The following ANK1 variants were observed in gnomAD, a reference collection of about 807,000 sequenced individuals.
ANK1 encodes ankyrin-1.
In ANK1, 51 loss-of-function variants were observed where a neutral mutation model predicts 210.4. The ratio of observed to expected loss-of-function variants is 0.24; its 90% confidence interval spans 0.19 to 0.31. The LOEUF (loss-of-function observed/expected upper bound fraction) is 0.31. Ranked by LOEUF, ANK1 falls within the 10% of genes least tolerant of loss-of-function variation. ANK1 has a pLI of 1.00. For missense variants in ANK1, 2,051 were observed against 2,504.4 expected (o/e 0.82, Z 3.86); for synonymous variants, 967 against 1,025.9 (o/e 0.94, Z 1.10).
In ANK1 at chr8:41,668,696, C is replaced by T. The variant is rs140250646; in HGVS notation, c.5097-132G>A. The T allele has an allele frequency of 2.4e-3, 2,445 of 1,035,076 alleles. 6 individuals are homozygous for T. Among genetic ancestry groups the T allele is most frequent in the Admixed American group, 3.2e-3 (122 of 38,038 alleles). 64.1% of individuals were successfully genotyped at this position (1,035,076 alleles called of 1,614,324 possible). A position where few individuals can be genotyped will look rare whatever the true frequency, so the allele number is the denominator to read the frequency against. ...GCTCATCAAGGACACAGACCGTCCT[C>T]CCATCCCTCCAAAGGTCAGGGGCGC... On this transcript the variant is annotated intron_variant, in intron 38 of 42. Coordinates refer to ENST00000289734, the MANE Select transcript of ANK1 (RefSeq NM_000037.4).
chr8:41,711,182 G>T (rs1203451439), intron 16 of ANK1, among the ~76,000 whole-genome samples: 2 of 152,146 alleles, frequency 1.3e-5, no homozygotes, highest in Admixed American at 1.3e-4. Context: ...TGAGATGCAG[G>T]GTCGGCTCAA....
At chr8:41,663,959 C>G (rs373926930) in intron 39 of ANK1, 7 of 644,324 alleles carry the variant, frequency 1.1e-5, no homozygotes, top group Non-Finnish European at 1.7e-5. Flanking sequence ...GACGAACGGT[C>G]GAGCTCACAA....
At chr8:41,703,450 A>ATATTTT (rs59985416) in intron 20 of ANK1, among the ~76,000 whole-genome samples, 5 of 58,828 alleles carry the variant, frequency 8.5e-5, no homozygotes, top group African/African-American at 1.8e-4. Flanking sequence ...ATATATATAT[A>ATATTTT]TTTTTTTTTT....
chr8:41,666,568 T>G (rs1277970170), intron 39 of ANK1, among the ~76,000 whole-genome samples: 1 of 152,256 alleles, frequency 6.6e-6, no homozygotes, highest in African/African-American at 2.4e-5. Context: ...TCACAGTCAT[T>G]TCAGGCCACC....
chr8:41,706,424 T>C (rs1475243637), intron 17 of ANK1, among the ~76,000 whole-genome samples, 183 bp from the exon 18 acceptor site: 1 of 152,240 alleles, frequency 6.6e-6, no homozygotes, highest in African/African-American at 2.4e-5. Flanking sequence ...GTGGTTACAC[T>C]AGACCAGGGG....
chr8:41,788,371 C>T (rs1563771470), intron 1 of ANK1, among the ~76,000 whole-genome samples: 2 of 152,158 alleles, frequency 1.3e-5, no homozygotes, highest in African/African-American at 2.4e-5. Context: ...GGAGTACTGA[C>T]GTGAACACCA....
Position 41,693,890 on chromosome 8 carries a change from C to T in ANK1, c.3532+8G>A. On this transcript the variant is annotated splice_region_variant and intron_variant, in intron 29 of 42. Transcript: ENST00000289734. ...CGAGAACAGAAGCGAGGCAGGGGCC[C>T]CTCTCACCAATGACGCTGCAAAGCA... The T allele has an allele frequency of 6.2e-7, 1 of 1,600,788 alleles. No individual in the cohort carries two copies. The highest frequency in any genetic ancestry group is 8.5e-7 in the Non-Finnish European group (1 of 1,174,366).
rs149631553 is a variant in ANK1, at chr8:41,724,486, G to A, written c.681C>T (p.Asn227=). The change falls in exon 7 of 43, where the codon AAC becomes AAT. Residue 227 remains asparagine (N), a synonymous_variant. Coordinates refer to ENST00000289734, the MANE Select transcript of ANK1 (RefSeq NM_000037.4). Reference sequence around the variant, plus strand: ...GTGTGAAATTGACGCTGGCTCCTCTGTTGAGGAGCAACTGGGCCACGTTGA... The same window carrying A: ...GTGTGAAATTGACGCTGGCTCCTCTATTGAGGAGCAACTGGGCCACGTTGA... ...ENLNVAQLLL[N]RGASVNFTPQ... is the part of the protein sequence containing the mutation. 6.9e-6 allele frequency: 11 copies of A among 1,596,828 alleles called. No homozygotes were observed. The highest frequency in any genetic ancestry group is 6.7e-5 in the African/African-American group (5 of 74,692).
chr8:41,714,282 G>A (rs745514381), intron 15 of ANK1, 28 bp from the exon 16 acceptor site: 17 of 1,526,986 alleles, frequency 1.1e-5, no homozygotes, highest in Middle Eastern at 1.7e-4. Context: ...AAAAGAGGCC[G>A]GCTGTCACTC....
At chr8:41,683,259 T>C (rs1184149645) in intron 37 of ANK1, among the ~76,000 whole-genome samples, 1 of 151,922 alleles carries the variant, frequency 6.6e-6, no homozygotes, top group Non-Finnish European at 1.5e-5. Flanking sequence ...GGCAGCACGA[T>C]AGCGTGAGTG....
intron 23 of ANK1, 33 bp downstream of exon 23, chr8:41,699,419 A>T: frequency 6.3e-7 from 1 of 1,598,104 alleles, no homozygotes; most frequent in Non-Finnish European, 8.6e-7. Flanking sequence ...GCATCTCGGC[A>T]CCCCCGGGGA....
rs192501836 is a variant in ANK1 at position 41,847,490 on chromosome 8, G to A, written c.126+48865C>T. On this transcript the variant is annotated intron_variant, in intron 1 of 42. Coordinates refer to the ANK1 transcript ENST00000265709. ...CAGGTAAGCATCCACGAGCTGCTACGGAGGTGATAATGACACTGACTTTTA... is the reference window on the plus strand; with the variant it reads ...CAGGTAAGCATCCACGAGCTGCTACAGAGGTGATAATGACACTGACTTTTA... 6.8e-3 allele frequency among the ~76,000 whole-genome samples: 1,036 copies of A among 152,280 alleles called. 11 individuals are homozygous for A. The highest frequency in any genetic ancestry group is 0.021 in the African/African-American group (886 of 41,562).
At chr8:41,732,471 G>A (rs1377707316) in intron 3 of ANK1, among the ~76,000 whole-genome samples, 3 of 152,166 alleles carry the variant, frequency 2.0e-5, no homozygotes, top group African/African-American at 7.2e-5. Flanking sequence ...GGAGTGCAAT[G>A]GCGCGATCTC....
intron 1 of ANK1, among the ~76,000 whole-genome samples, chr8:41,892,183 C>T (rs569592737): frequency 6.6e-6 from 1 of 152,128 alleles, no homozygotes; most frequent in Non-Finnish European, 1.5e-5. Flanking sequence ...TCCCACTTTC[C>T]CCACCTCCAG....
intron 1 of ANK1, among the ~76,000 whole-genome samples, chr8:41,806,656 G>A (rs1587107885): frequency 6.6e-6 from 1 of 152,230 alleles, no homozygotes. Context: ...AGTGAACCAT[G>A]ATGGTTTGAG....
At chr8:41,710,978 A>G (rs747717213) in intron 16 of ANK1, among the ~76,000 whole-genome samples, 8 of 152,258 alleles carry the variant, frequency 5.3e-5, no homozygotes, top group Non-Finnish European at 1.2e-4. Flanking sequence ...GAAGAATGAC[A>G]TGAGATAATC....
rs536493305 is a variant in ANK1, at chr8:41,740,664, C to T, written c.130-6595G>A. On this transcript the variant is annotated intron_variant, in intron 2 of 42. Coordinates refer to ENST00000289734, the MANE Select transcript of ANK1 (RefSeq NM_000037.4). ...GGATTGGTGTATCTCTGTATGCGTGCACTCTATATACACATTCATGTAATC... is the reference window on the plus strand; with the variant it reads ...GGATTGGTGTATCTCTGTATGCGTGTACTCTATATACACATTCATGTAATC... 1.4e-4 allele frequency among the ~76,000 whole-genome samples: 21 copies of T among 152,284 alleles called. No homozygotes were observed. The East Asian group carries it at 3.9e-3, about 28-fold the overall frequency.
intron 1 of ANK1, among the ~76,000 whole-genome samples, chr8:41,803,143 G>GAAAGAAAGA (rs1850417437): frequency 7.0e-6 from 1 of 142,750 alleles, no homozygotes; most frequent in Non-Finnish European, 1.5e-5. Context: ...GGAAAGAAAG[G>GAAAGAAAGA]AAAGAAAGAA....
intron 1 of ANK1, among the ~76,000 whole-genome samples, chr8:41,763,936 AGTC>A (rs1841161839): frequency 9.5e-6 from 1 of 105,262 alleles, no homozygotes; most frequent in African/African-American, 3.7e-5. Context: ...GGCATAGAGT[AGTC>A]AGGACTCTGC....
Sources: allele counts gnomAD v4.1 joint callset (sites outside exome capture counted in the v4.1 genomes callset), GRCh38; gene constraint gnomAD v4.1.1; transcripts MANE v1.5; gene names NCBI Gene and HGNC (gene_info 2026-07-23, HGNC 2026-07-21).